Variants in APPL1 observed in about 807,000 individuals in gnomAD.
The protein encoded by APPL1 is DCC-interacting protein 13-alpha.
A neutral mutation model predicts 106.8 loss-of-function variants in APPL1; 42 were observed. The ratio of observed to expected loss-of-function variants is 0.39; its 90% CI spans 0.31 to 0.51. The LOEUF (loss-of-function observed/expected upper bound fraction) is 0.51. Ranked by LOEUF, APPL1 falls within the 20% of genes least tolerant of loss-of-function variation. The pLI is 0.75. For synonymous variants in APPL1, 263 were observed against 281.8 expected (o/e 0.93, Z 0.67); for missense variants, 769 against 858.2 (o/e 0.90, Z 1.30).
chr3:57,245,878 G>A (rs1055810171), intron 7 of APPL1, among the ~76,000 whole-genome samples, 198 bp from the exon 8 acceptor site: 2 of 152,104 alleles, frequency 1.3e-5, no homozygotes, highest in Non-Finnish European at 2.9e-5. Context: ...GTGGTTGGAA[G>A]TTAAACAGGA....
chr3:57,227,849 G>A lies in APPL1; in HGVS notation c.-35G>A. ...CCGGCGCGGGGAGCTGTGGGCGGCA[G>A]CTGCGTCTCCTGCCACCGCCCTCCC... On this transcript the variant is annotated 5_prime_UTR_variant, in exon 1 of 22. Coordinates refer to ENST00000288266, the MANE Select transcript of APPL1 (RefSeq NM_012096.3). 1 of 1,449,356 alleles carries A rather than the reference G, an allele frequency of 6.9e-7. No homozygotes were observed. The highest frequency in any genetic ancestry group is 1.3e-5 in the South Asian group (1 of 76,088). The allele number at this position is 1,449,356 out of a possible 1,614,324, so 89.8% of individuals were successfully genotyped here.
chr3:57,250,255 C>G (rs1225348811), intron 11 of APPL1, among the ~76,000 whole-genome samples: 1 of 152,078 alleles, frequency 6.6e-6, no homozygotes, highest in Non-Finnish European at 1.5e-5. Flanking sequence ...ATCCTCCTAC[C>G]TCAGGATCCC....
rs896048413 is a variant in APPL1 at position 57,260,446 on chromosome 3, T to G, written c.1696-182T>G. 1.0e-5 allele frequency: 6 copies of G among 572,856 alleles called. No homozygotes were observed. The Admixed American group carries it at 1.9e-4, about 18-fold the overall frequency. The allele number at this position is 572,856 out of a possible 1,614,324, so 35.5% of individuals were successfully genotyped here. A position where few individuals can be genotyped will look rare whatever the true frequency, so the allele number is the denominator to read the frequency against. The stretch of plus-strand genomic sequence containing the variant: ...CAAATGTAATATTCAACAACCTTTT[T>G]CTGCTTGTTAATTCAAACCAAATAT... On this transcript the variant is annotated intron_variant, in intron 18 of 21. Coordinates refer to ENST00000288266, the MANE Select transcript of APPL1 (RefSeq NM_012096.3).
intron 4 of APPL1, among the ~76,000 whole-genome samples, chr3:57,239,402 C>G (rs1297121027): frequency 2.0e-5 from 3 of 152,182 alleles, no homozygotes; most frequent in Non-Finnish European, 2.9e-5. Context: ...TTCTTTATGT[C>G]TGTTTTCACT....
At chr3:57,246,379 TTTTA>T (rs757557428) in intron 8 of APPL1, among the ~76,000 whole-genome samples, 157 bp downstream of exon 8, 6 of 152,230 alleles carry the variant, frequency 3.9e-5, no homozygotes, top group Non-Finnish European at 7.3e-5. Flanking sequence ...CAGACTATTA[TTTTA>T]AGGAAGTTAG....
chr3:57,262,135 C>A (rs532642384), intron 19 of APPL1, among the ~76,000 whole-genome samples: 2 of 151,836 alleles, frequency 1.3e-5, no homozygotes, highest in Non-Finnish European at 2.9e-5. Flanking sequence ...CTGTTGAGTT[C>A]GTTGTATATT....
Position 57,260,783 on chromosome 3 carries a change from C to G in APPL1, c.1842+9C>G. On this transcript the variant is annotated intron_variant, in intron 19 of 21. Coordinates refer to ENST00000288266, the MANE Select transcript of APPL1 (RefSeq NM_012096.3). ...ACAATGAGGGGGAAAAGGTACATGG[C>G]TTTTCAGAATATCTCTGTCATAACC... 6.3e-7 allele frequency: 1 copy of G among 1,598,524 alleles called. No individual in the cohort carries two copies. The highest frequency in any genetic ancestry group is 8.5e-7 in the Non-Finnish European group (1 of 1,171,164).
intron 13 of APPL1, among the ~76,000 whole-genome samples, chr3:57,256,369 A>G (rs1489616382): frequency 6.6e-6 from 1 of 152,232 alleles, no homozygotes; most frequent in Non-Finnish European, 1.5e-5. Flanking sequence ...CAGTAAGTCT[A>G]AAGTATTTCT....
In APPL1 at chr3:57,271,917, T is replaced by G. The variant is rs2060943322; in HGVS notation, c.*2230T>G. The G allele has an allele frequency of 6.6e-6, 1 of 152,224 alleles. No individual in the cohort carries two copies. Among genetic ancestry groups the G allele is most frequent in the Non-Finnish European group, 1.5e-5 (1 of 68,034 alleles). The allele number at this position is 152,224 out of a possible 1,614,324, so 9.4% of individuals were successfully genotyped here. A position where few individuals can be genotyped will look rare whatever the true frequency, so the allele number is the denominator to read the frequency against. The stretch of plus-strand genomic sequence containing the variant: ...CATTACTGTTGAACTATATGAACTA[T>G]TCCATTACTGCAGAGATTTAAGTAT... On this transcript the variant is annotated 3_prime_UTR_variant, in exon 22 of 22. Coordinates refer to ENST00000288266, the MANE Select transcript of APPL1 (RefSeq NM_012096.3).
intron 19 of APPL1, among the ~76,000 whole-genome samples, chr3:57,265,989 T>TTG (rs2060892760): frequency 2.0e-5 from 3 of 152,226 alleles, no homozygotes; most frequent in Non-Finnish European, 4.4e-5. Context: ...TGATGTGATG[T>TTG]AGCATATTGA....
At chr3:57,261,342 C>T (rs1251221293) in intron 19 of APPL1, among the ~76,000 whole-genome samples, 1 of 152,084 alleles carries the variant, frequency 6.6e-6, no homozygotes. Context: ...ACCACATTTT[C>T]TTTATTCATT....
intron 1 of APPL1, among the ~76,000 whole-genome samples, chr3:57,233,676 G>A (rs1018797088): frequency 6.6e-6 from 1 of 152,058 alleles, no homozygotes; most frequent in East Asian, 1.9e-4. Flanking sequence ...ACTGAAAATA[G>A]GGACTTACTG....
intron 2 of APPL1, among the ~76,000 whole-genome samples, chr3:57,236,285 C>T (rs1259940300): frequency 1.3e-5 from 2 of 151,130 alleles, no homozygotes; most frequent in Non-Finnish European, 2.9e-5. Context: ...CTCAGGTGAT[C>T]CGCCCGCCTT....
At chr3:57,264,289 T>G (rs1267620183) in intron 19 of APPL1, among the ~76,000 whole-genome samples, 1 of 152,230 alleles carries the variant, frequency 6.6e-6, no homozygotes, top group Non-Finnish European at 1.5e-5. Flanking sequence ...TAATCCCTTG[T>G]CAGATGAGTA....
chr3:57,268,246 A>ATTGTT (rs2060908150), intron 20 of APPL1, 152 bp from the exon 21 acceptor site: 1 of 744,144 alleles, frequency 1.3e-6, no homozygotes, highest in East Asian at 2.6e-5. Context: ...AATTTGGATA[A>ATTGTT]TTGTTTACCA....
chr3:57,268,302 A>C (rs985252439), intron 20 of APPL1, 96 bp from the exon 21 acceptor site: 64 of 1,267,724 alleles, frequency 5.0e-5, no homozygotes, highest in Non-Finnish European at 6.8e-5. Context: ...AAATGCAAAA[A>C]AATATTGAAA....
At position 57,237,504 on chromosome 3, in the gene APPL1, G is replaced by A; in HGVS notation, c.166G>A (p.Ala56Thr). ...GCTTTTTCCATAGAATGAATTAAGTGCAGCAACACACCTGACCTCAAAACT... is the reference window on the plus strand; with the variant it reads ...GCTTTTTCCATAGAATGAATTAAGTACAGCAACACACCTGACCTCAAAACT... ...RIYDAQNELS[A>T]ATHLTSKLLK... The change falls in exon 3 of 22, where the codon GCA becomes ACA. Residue 56 changes from alanine (A) to threonine (T), a missense_variant. Transcript: ENST00000288266. The A allele has an allele frequency of 1.2e-6, 2 of 1,602,144 alleles. No individual in the cohort carries two copies. Among genetic ancestry groups the A allele is most frequent in the Non-Finnish European group, 1.7e-6 (2 of 1,174,856 alleles).
intron 19 of APPL1, among the ~76,000 whole-genome samples, chr3:57,262,734 A>G (rs1409267724): frequency 6.6e-6 from 1 of 151,774 alleles, no homozygotes; most frequent in African/African-American, 2.4e-5. Flanking sequence ...CGTACTAACA[A>G]AGTTTCTCAA....
chr3:57,242,800 A>G, intron 6 of APPL1, 56 bp from the exon 7 acceptor site: 1 of 1,320,128 alleles, frequency 7.6e-7, no homozygotes, highest in Non-Finnish European at 1.1e-6. Flanking sequence ...CATTGAAAGC[A>G]TTTGTAAGTT....
Sources: allele counts gnomAD v4.1 joint callset (sites outside exome capture counted in the v4.1 genomes callset), GRCh38; gene constraint gnomAD v4.1.1; transcripts MANE v1.5; gene names NCBI Gene and HGNC (gene_info 2026-07-23, HGNC 2026-07-21).